The following EPHB2 variants were observed in gnomAD, a reference collection of about 807,000 sequenced individuals.
The protein encoded by EPHB2 is ephrin type-B receptor 2.
In EPHB2, 18 loss-of-function variants were observed where a neutral mutation model predicts 96.4. That is an observed-to-expected ratio of 0.19 (90% CI 0.13 to 0.28). The LOEUF (loss-of-function observed/expected upper bound fraction) is 0.28, where lower values mean the gene tolerates loss of function less well. Ranked by LOEUF, EPHB2 falls within the 10% of genes least tolerant of loss-of-function variation. EPHB2 has a pLI of 1.00. For synonymous variants in EPHB2, 506 were observed against 534.1 expected (o/e 0.95, Z 0.72); for missense variants, 989 against 1,355.4 (o/e 0.73, Z 4.25).
intron 9 of EPHB2, among the ~76,000 whole-genome samples, chr1:22,905,003 G>A (rs1050659824): frequency 6.6e-5 from 10 of 152,236 alleles, no homozygotes; most frequent in African/African-American, 2.4e-4. Flanking sequence ...TGAGCAGGAT[G>A]CTGGAAGAGC....
At position 22,733,040 on chromosome 1, in the gene EPHB2, CCTTTCTTTCTTT is replaced by C. The variant is rs751624607; in HGVS notation, c.61+22010_61+22021del. Among the ~76,000 whole-genome samples, 3 of 151,958 alleles carry C rather than the reference CCTTTCTTTCTTT, an allele frequency of 2.0e-5. No individual in the cohort carries two copies. Among genetic ancestry groups the C allele is most frequent in the Non-Finnish European group, 2.9e-5 (2 of 67,984 alleles). On this transcript the variant is annotated intron_variant, in intron 1 of 15. Transcript: ENST00000374630. This position sits in a 1 kb window ranked among gnomAD's most constrained non-coding sequence, Gnocchi z 4.6. Reference sequence around the variant, plus strand: ...TCTGTATGTTCCCCCTCCTAGGCTGCCTTTCTTTCTTTCTTTCTTTCTTTTTTTTTGGAGTTT... The same window carrying C: ...TCTGTATGTTCCCCCTCCTAGGCTGCCTTTCTTTCTTTTTTTTTGGAGTTT...
intron 9 of EPHB2, among the ~76,000 whole-genome samples, chr1:22,903,464 G>A (rs1195171570): frequency 6.6e-6 from 1 of 152,206 alleles, no homozygotes; most frequent in Non-Finnish European, 1.5e-5. Context: ...ACCAGATTCT[G>A]GTTGTATTTC....
Position 22,910,592 on chromosome 1 carries a change from G to GCCCTGC in EPHB2, c.2696+21_2696+26dup. 6.2e-7 allele frequency: 1 copy of GCCCTGC among 1,613,258 alleles called. No homozygotes were observed. The highest frequency in any genetic ancestry group is 8.5e-7 in the Non-Finnish European group (1 of 1,179,762). ...CTCCTCTGGGTAAGGCCCCACCCTG[G>GCCCTGC]CCCTGCCCCAGCCAGGCCCTGCCCC... On this transcript the variant is annotated intron_variant, in intron 14 of 15. Coordinates refer to ENST00000374630, the MANE Select transcript of EPHB2 (RefSeq NM_017449.5).
chr1:22,778,486 G>GT (rs761224814), intron 1 of EPHB2, among the ~76,000 whole-genome samples: 3 of 152,204 alleles, frequency 2.0e-5, no homozygotes, highest in Non-Finnish European at 2.9e-5. Context: ...AAAAGACCAG[G>GT]TTGGGGAGAG....
At chr1:22,737,470 C>T (rs1337305504) in intron 1 of EPHB2, among the ~76,000 whole-genome samples, 1 of 152,208 alleles carries the variant, frequency 6.6e-6, no homozygotes, top group Admixed American at 6.5e-5. Flanking sequence ...ATGTTATAAA[C>T]TCCCATGCCC....
At chr1:22,762,053 C>T (rs950538208) in intron 1 of EPHB2, among the ~76,000 whole-genome samples, 3 of 152,212 alleles carry the variant, frequency 2.0e-5, no homozygotes, top group African/African-American at 4.8e-5. Flanking sequence ...GGATTCCGAG[C>T]GGGGCTCTGA....
intron 9 of EPHB2, 126 bp downstream of exon 9, chr1:22,896,604 G>A: frequency 7.8e-7 from 1 of 1,285,404 alleles, no homozygotes; most frequent in Non-Finnish European, 1.1e-6. Context: ...TGGTTGCCTG[G>A]TTGCACTAAG....
At chr1:22,847,420 T>A (rs1645559378) in intron 3 of EPHB2, among the ~76,000 whole-genome samples, 1 of 152,158 alleles carries the variant, frequency 6.6e-6, no homozygotes. Context: ...CTGCTGTTGT[T>A]AATAGGTGCT....
intron 1 of EPHB2, among the ~76,000 whole-genome samples, chr1:22,757,670 T>C (rs937117389): frequency 6.6e-6 from 1 of 152,122 alleles, no homozygotes; most frequent in Non-Finnish European, 1.5e-5. Context: ...AAGACCAGCC[T>C]GGGTAACATG....
chr1:22,760,202 C>A (rs1644215676), intron 1 of EPHB2, among the ~76,000 whole-genome samples: 1 of 151,708 alleles, frequency 6.6e-6, no homozygotes, highest in Non-Finnish European at 1.5e-5. Flanking sequence ...GGAGGTGGGG[C>A]ACTCAGAAAT....
chr1:22,817,308 A>C (rs1274742645), intron 3 of EPHB2, among the ~76,000 whole-genome samples: 1 of 152,240 alleles, frequency 6.6e-6, no homozygotes, highest in Admixed American at 6.5e-5. Flanking sequence ...GAATCCTCAT[A>C]ACCACGCTCT....
At chr1:22,774,935 G>C (rs867366981) in intron 1 of EPHB2, among the ~76,000 whole-genome samples, 1 of 152,158 alleles carries the variant, frequency 6.6e-6, no homozygotes, top group Non-Finnish European at 1.5e-5. Context: ...CCATTTTACA[G>C]ATGTGGAAAC....
intron 1 of EPHB2, among the ~76,000 whole-genome samples, chr1:22,755,449 CAG>C (rs756498240): frequency 6.6e-5 from 10 of 152,222 alleles, no homozygotes; most frequent in Non-Finnish European, 1.3e-4. Context: ...AAAGAAGCCT[CAG>C]AAAGTCCCAT....
chr1:22,909,296 G>A (rs1570469722), intron 13 of EPHB2, 125 bp downstream of exon 13: 1 of 1,458,590 alleles, frequency 6.9e-7, no homozygotes, highest in East Asian at 2.4e-5. Context: ...TCATGGGCCT[G>A]GCTCCCAGGG....
chr1:22,809,708 G>C (rs1644977148), intron 3 of EPHB2, among the ~76,000 whole-genome samples: 1 of 152,128 alleles, frequency 6.6e-6, no homozygotes, highest in Non-Finnish European at 1.5e-5. Flanking sequence ...TTCTTGCATA[G>C]AACAGACCTC....
intron 15 of EPHB2, chr1:22,912,825 C>T (rs1640152147): frequency 1.7e-6 from 1 of 593,422 alleles, no homozygotes; most frequent in Non-Finnish European, 3.1e-6. Flanking sequence ...CCTCCCTCAG[C>T]CTCCGTTTTC....
At chr1:22,854,599 T>C (rs1204956218) in intron 3 of EPHB2, among the ~76,000 whole-genome samples, 1 of 152,230 alleles carries the variant, frequency 6.6e-6, no homozygotes, top group South Asian at 2.1e-4. Flanking sequence ...GAGTGCTTCC[T>C]TTCTGTGAGC....
chr1:22,774,673 G>A, intron 1 of EPHB2: 10 of 957,292 alleles, frequency 1.0e-5, no homozygotes, highest in Non-Finnish European at 1.2e-5. Flanking sequence ...GGGGCCTCGA[G>A]TACCTTGTTA....
chr1:22,827,970 A>G (rs1645248246), intron 3 of EPHB2, among the ~76,000 whole-genome samples: 1 of 152,236 alleles, frequency 6.6e-6, no homozygotes, highest in African/African-American at 2.4e-5. Flanking sequence ...TATAAACGTG[A>G]GCACTCACAG....
Sources: allele counts gnomAD v4.1 joint callset (sites outside exome capture counted in the v4.1 genomes callset), GRCh38; gene constraint gnomAD v4.1.1; non-coding constraint Gnocchi (gnomAD v3.1); transcripts MANE v1.5; gene names NCBI Gene and HGNC (gene_info 2026-07-23, HGNC 2026-07-21).